Variants in SPATA13 observed in about 807,000 individuals in gnomAD.
The protein encoded by SPATA13 is spermatogenesis associated 13, also known as spermatogenesis-associated protein 13.
A neutral mutation model predicts 104.0 loss-of-function variants in SPATA13; 50 were observed. The observed-to-expected ratio is 0.48, with a 90% CI of 0.38 to 0.61. The LOEUF (loss-of-function observed/expected upper bound fraction) is 0.61, where lower values mean the gene tolerates loss of function less well. SPATA13 is among the 20% of genes least tolerant of loss of function. The probability of loss-of-function intolerance (pLI) is 0.00; values close to 1 mark genes in which losing one functional copy is unlikely to be tolerated. For missense variants in SPATA13, 1,524 were observed against 1,690.6 expected, an observed-to-expected ratio of 0.90 and a Z score of 1.73; for synonymous variants, 606 against 667.5, an observed-to-expected ratio of 0.91 and a Z score of 1.42.
intron 1 of SPATA13, among the ~76,000 whole-genome samples, chr13:24,190,170 T>C (rs796277950): frequency 6.4e-5 from 5 of 78,706 alleles, no homozygotes; most frequent in East Asian, 6.1e-4. Flanking sequence ...TAATATATAT[T>C]ATTATATAAC....
intron 3 of SPATA13, among the ~76,000 whole-genome samples, chr13:24,153,396 C>T (rs1882162984): frequency 6.6e-6 from 1 of 152,162 alleles, no homozygotes; most frequent in Non-Finnish European, 1.5e-5. Flanking sequence ...ATTTCATTGC[C>T]TAAAAAGGAA....
intron 11 of SPATA13, among the ~76,000 whole-genome samples, chr13:24,298,812 G>T (rs922207125): frequency 6.6e-6 from 1 of 152,192 alleles, no homozygotes; most frequent in Admixed American, 6.5e-5. Context: ...GTGAGATTCT[G>T]CAGTAGAGTT....
intron 2 of SPATA13, among the ~76,000 whole-genome samples, chr13:24,002,218 C>T (rs1228300348): frequency 6.6e-6 from 1 of 152,076 alleles, no homozygotes; most frequent in Non-Finnish European, 1.5e-5. Flanking sequence ...ATGTGTCCAT[C>T]CACCTATTCA....
Position 24,151,287 on chromosome 13 carries a change from C to T in SPATA13, c.-111-71532C>T, listed in dbSNP as rs796370421. On this transcript the variant is annotated intron_variant, in intron 3 of 14. Coordinates refer to the SPATA13 transcript ENST00000424834. ...AGACAGGCAGATCTTGGTCTGAATC[C>T]TTGCTCTGTCAAACACATGGGGCTG... Among the ~76,000 whole-genome samples, 5 of 152,198 alleles carry T rather than the reference C, an allele frequency of 3.3e-5. No individual in the cohort carries two copies. In the South Asian group the frequency reaches 1.0e-3, roughly 31 times the overall value.
intron 12 of SPATA13, among the ~76,000 whole-genome samples, chr13:24,301,039 A>G (rs1410580492): frequency 6.6e-6 from 1 of 152,154 alleles, no homozygotes; most frequent in Admixed American, 6.5e-5. Flanking sequence ...GCTGTTCAAA[A>G]ATGCTGATGC....
chr13:24,053,735 T>G (rs1317962660), intron 3 of SPATA13, among the ~76,000 whole-genome samples: 1 of 152,176 alleles, frequency 6.6e-6, no homozygotes, highest in Non-Finnish European at 1.5e-5. Flanking sequence ...TGTATGATTT[T>G]GGGGCTGCTG....
chr13:24,158,260 C>T (rs1310397884), upstream of SPATA13, among the ~76,000 whole-genome samples: 2 of 152,130 alleles, frequency 1.3e-5, no homozygotes. Context: ...TTGCAGGAAA[C>T]AACAGAATGC....
At chr13:24,049,350 A>G (rs1470956815) in intron 3 of SPATA13, among the ~76,000 whole-genome samples, 4 of 152,214 alleles carry the variant, frequency 2.6e-5, no homozygotes, top group African/African-American at 9.6e-5. Context: ...ACAGCTGCCT[A>G]CAGTACTCAG....
At chr13:24,227,121 G>A (rs1325653404) in intron 2 of SPATA13, among the ~76,000 whole-genome samples, 1 of 152,150 alleles carries the variant, frequency 6.6e-6, no homozygotes, top group Non-Finnish European at 1.5e-5. Context: ...TAATTCCTGG[G>A]TGAGATGAAG....
At chr13:24,052,180 C>A (rs1878369779) in intron 3 of SPATA13, among the ~76,000 whole-genome samples, 1 of 152,278 alleles carries the variant, frequency 6.6e-6, no homozygotes, top group East Asian at 1.9e-4. Flanking sequence ...AATCGCAGGC[C>A]TCGGGCACAA....
At chr13:24,108,335 A>G (rs1043556753) in intron 3 of SPATA13, among the ~76,000 whole-genome samples, 1 of 152,224 alleles carries the variant, frequency 6.6e-6, no homozygotes, top group Non-Finnish European at 1.5e-5. Context: ...GCACCTTTGC[A>G]CCGAGGCTTA....
chr13:24,001,442 G>T (rs1226831663), intron 2 of SPATA13, among the ~76,000 whole-genome samples: 1 of 152,106 alleles, frequency 6.6e-6, no homozygotes, highest in South Asian at 2.1e-4. Flanking sequence ...GTGGGGTTCG[G>T]TGGGGCTGGA....
chr13:24,218,943 TTTTG>T (rs966998143), intron 1 of SPATA13, among the ~76,000 whole-genome samples: 11 of 151,888 alleles, frequency 7.2e-5, no homozygotes, highest in African/African-American at 1.2e-4. Context: ...TCAGAAGCTT[TTTTG>T]TTTGTTTGTT....
chr13:24,269,741 AT>A (rs71070673), intron 4 of SPATA13, among the ~76,000 whole-genome samples: 17,747 of 75,446 alleles, frequency 0.24, 1,759 homozygotes, highest in African/African-American at 0.33. Flanking sequence ...GCTAATATAA[AT>A]TTTTTTTTTT....
chr13:24,056,097 G>A (rs1392031092), intron 3 of SPATA13, among the ~76,000 whole-genome samples: 1 of 152,234 alleles, frequency 6.6e-6, no homozygotes, highest in Non-Finnish European at 1.5e-5. Context: ...AGAGCTCATG[G>A]TTATGATAGA....
At chr13:24,262,660 A>G (rs1458048365) in intron 4 of SPATA13, among the ~76,000 whole-genome samples, 2 of 152,200 alleles carry the variant, frequency 1.3e-5, no homozygotes, top group Non-Finnish European at 2.9e-5. Context: ...AACTAATATG[A>G]TCTGTCCCAC....
Position 24,223,412 on chromosome 13 carries a change from C to T in SPATA13, c.483C>T (p.Gly161=). ...GAVPGAQASR[G]SPLAPGPACG... is the part of the protein sequence containing the mutation. ...TCCCAGGAGCCCAGGCAAGCAGGGG[C>T]TCCCCCTTAGCACCGGGACCAGCAT... is the stretch of plus-strand genomic sequence containing the variant. The change falls in exon 2 of 13, where the codon GGC becomes GGT. Residue 161 remains glycine (G), a synonymous_variant. Coordinates refer to ENST00000382108, the MANE Select transcript of SPATA13 (RefSeq NM_001166271.3). 6.4e-7 allele frequency: 1 copy of T among 1,551,260 alleles called. No homozygotes were observed. The highest frequency in any genetic ancestry group is 8.7e-7 in the Non-Finnish European group (1 of 1,146,982).
intron 3 of SPATA13, among the ~76,000 whole-genome samples, chr13:24,098,881 C>T (rs1238861958): frequency 2.7e-5 from 4 of 148,762 alleles, no homozygotes; most frequent in South Asian, 4.3e-4. Flanking sequence ...GAGCTGCGAT[C>T]GCACCACTGC....
In SPATA13 at chr13:24,302,757, C is replaced by A. The variant is rs969190256; in HGVS notation, c.3818C>A (p.Thr1273Asn). ...TTCTGGCACACCTTCAACAGGCTCA[C>A]CCCCTTCCGGAAATGAAAACAGGAG... ...SLFWHTFNRL[T>N]PFRK Residue 1273 changes from threonine to asparagine, a missense_variant, in exon 13 of 13, where the codon ACC (threonine) becomes AAC (asparagine). Thr to Asn is a moderately conservative substitution (Grantham distance 65). Around this residue, in one of 2 missense-constraint regions of SPATA13, gnomAD observed 435 missense variants for 554.8 expected, o/e 0.78. Coordinates refer to ENST00000382108, the MANE Select transcript of SPATA13 (RefSeq NM_001166271.3). 41 of 1,614,070 alleles carry A rather than the reference C, an allele frequency of 2.5e-5. No individual in the cohort carries two copies. Among genetic ancestry groups the A allele is most frequent in the Non-Finnish European group, 3.3e-5 (39 of 1,180,054 alleles).
Sources: allele counts gnomAD v4.1 joint callset (sites outside exome capture counted in the v4.1 genomes callset), GRCh38; gene constraint gnomAD v4.1.1; regional missense constraint gnomAD v4.1.1; transcripts MANE v1.5; gene names NCBI Gene and HGNC (gene_info 2026-07-23, HGNC 2026-07-21).